The following KLHDC10 variants were observed in gnomAD, a reference collection of about 807,000 sequenced individuals.
KLHDC10 encodes the protein kelch domain containing 10.
Under a neutral mutation model 56.1 loss-of-function variants are expected in KLHDC10, and 24 were observed. The ratio of observed to expected loss-of-function variants is 0.43; its 90% CI spans 0.31 to 0.60. The LOEUF is 0.60. Ranked by LOEUF, KLHDC10 falls within the 20% of genes least tolerant of loss-of-function variation. KLHDC10 has a pLI of 0.11. For synonymous variants in KLHDC10, 188 were observed against 207.1 expected (o/e 0.91, Z 0.79); for missense variants, 349 against 567.0 (o/e 0.62, Z 3.91).
intron 2 of KLHDC10, among the ~76,000 whole-genome samples, chr7:130,103,092 C>T (rs1319170772): frequency 6.6e-6 from 1 of 152,050 alleles, no homozygotes; most frequent in Non-Finnish European, 1.5e-5. Context: ...ACAGGAGTTA[C>T]AGAAGGAAAG....
intron 1 of KLHDC10, among the ~76,000 whole-genome samples, chr7:130,078,439 G>A (rs1374832318): frequency 6.6e-6 from 1 of 152,132 alleles, no homozygotes; most frequent in Non-Finnish European, 1.5e-5. Context: ...TGCCCAGGCT[G>A]ATCTCAAACT....
intron 1 of KLHDC10, among the ~76,000 whole-genome samples, chr7:130,077,759 G>C (rs1056216407): frequency 1.3e-5 from 2 of 151,706 alleles, no homozygotes; most frequent in African/African-American, 4.8e-5. Context: ...GTTTCACCAT[G>C]TTAGCCAGGA....
chr7:130,083,379 C>T (rs879848440), intron 1 of KLHDC10, among the ~76,000 whole-genome samples: 3 of 152,154 alleles, frequency 2.0e-5, no homozygotes, highest in Non-Finnish European at 2.9e-5. Context: ...CCTCTTTACC[C>T]TCCGCATTTA....
At chr7:130,105,315 C>T (rs1319706079) in intron 2 of KLHDC10, among the ~76,000 whole-genome samples, 2 of 152,136 alleles carry the variant, frequency 1.3e-5, no homozygotes, top group African/African-American at 4.8e-5. Context: ...ATGTTTGTAG[C>T]AACATTAAGA....
chr7:130,118,059 G>T (rs543072495), intron 3 of KLHDC10, among the ~76,000 whole-genome samples: 1 of 152,056 alleles, frequency 6.6e-6, no homozygotes, highest in Non-Finnish European at 1.5e-5. Flanking sequence ...AGTAATCCCA[G>T]CTACTCAGGA....
intron 2 of KLHDC10, among the ~76,000 whole-genome samples, chr7:130,100,925 T>C (rs1795920362): frequency 6.6e-6 from 1 of 152,120 alleles, no homozygotes; most frequent in Admixed American, 6.5e-5. Context: ...CATACCCATT[T>C]ACTTTTCCCT....
At position 130,130,551 on chromosome 7, in the gene KLHDC10, C is replaced by T. The variant is rs1247107217; in HGVS notation, c.1134C>T (p.Tyr378=). The T allele has an allele frequency of 1.2e-6, 2 of 1,613,806 alleles. No individual in the cohort carries two copies. Among genetic ancestry groups the T allele is most frequent in the Non-Finnish European group, 1.7e-6 (2 of 1,179,866 alleles). The change falls in exon 10 of 10, where the codon TAC becomes TAT. Residue 378 remains tyrosine (Y), a synonymous_variant. Transcript: ENST00000335420. This position sits in a 1 kb window ranked among gnomAD's most constrained non-coding sequence, Gnocchi z 4.2. ...ACTACTCATAGGCTGGTTGCATGTA[C>T]ATTCATGGAGGAGTGGTGAACATCC... The part of the protein sequence containing the change: ...CAAVTPAGCM[Y]IHGGVVNIHE...
rs75076382 is a variant in KLHDC10, at chr7:130,108,844, C to A, written c.254-7601C>A. Among the ~76,000 whole-genome samples, 5 of 152,272 alleles carry A rather than the reference C, an allele frequency of 3.3e-5. No individual in the cohort carries two copies. In the East Asian group the frequency reaches 9.6e-4, roughly 29 times the overall value. On this transcript the variant is annotated intron_variant, in intron 2 of 9. Transcript: ENST00000335420. ...GCTCCCTCTCCTCTCTCCCTTCCCC[C>A]CTTTATACACAATACGCACATACAT...
rs1227167455 is a variant in KLHDC10 at position 130,133,196 on chromosome 7, G to A, written c.*2450G>A. On this transcript the variant is annotated 3_prime_UTR_variant, in exon 10 of 10. Transcript: ENST00000335420. ...TGTTCTGGATGCCAAATGAGACTGT[G>A]TGTAAATGACTAAGTGTAGATAACT... 1 of 152,248 alleles carries A rather than the reference G, an allele frequency of 6.6e-6. No homozygotes were observed. The highest frequency in any genetic ancestry group is 2.4e-5 in the African/African-American group (1 of 41,468). The allele number at this position is 152,248 out of a possible 1,614,324, so 9.4% of individuals were successfully genotyped here. A position where few individuals can be genotyped will look rare whatever the true frequency, so the allele number is the denominator to read the frequency against.
chr7:130,102,251 C>T (rs531749578), intron 2 of KLHDC10, among the ~76,000 whole-genome samples: 67 of 152,270 alleles, frequency 4.4e-4, no homozygotes, highest in Admixed American at 1.1e-3. Context: ...CTCAGACAGA[C>T]CTTCCATTTG....
Position 130,116,933 on chromosome 7 carries a change from T to C in KLHDC10, c.475+267T>C, listed in dbSNP as rs142973427. The stretch of plus-strand genomic sequence containing the variant: ...ATATCTTAGAGGGTTCAATATAAAG[T>C]ATCACGCAGTAGAAGGTCAACAAAT... On this transcript the variant is annotated intron_variant, in intron 3 of 9. Transcript: ENST00000335420. This position sits in a 1 kb window ranked among gnomAD's most constrained non-coding sequence, Gnocchi z 4.8. Among the ~76,000 whole-genome samples, 240 of 152,228 alleles carry C rather than the reference T, an allele frequency of 1.6e-3. No homozygotes were observed. Among genetic ancestry groups the C allele is most frequent in the East Asian group, 7.9e-3 (41 of 5,184 alleles).
chr7:130,134,614 T>C lies in KLHDC10; in HGVS notation c.*3868T>C, dbSNP rs1796443114. On this transcript the variant is annotated 3_prime_UTR_variant, in exon 10 of 10. Transcript: ENST00000335420. ...TGATCCTCTAAGACTGTGTTGGTCTTCGTATTCTGTAAAACCCATTTTTTT... is the reference window on the plus strand; with the variant it reads ...TGATCCTCTAAGACTGTGTTGGTCTCCGTATTCTGTAAAACCCATTTTTTT... 6.8e-6 allele frequency: 1 copy of C among 148,036 alleles called. No individual in the cohort carries two copies. The highest frequency in any genetic ancestry group is 2.4e-5 in the African/African-American group (1 of 41,060). 9.2% of individuals were successfully genotyped at this position (148,036 alleles called of 1,614,324 possible).
chr7:130,118,227 T>C (rs1796197792), intron 3 of KLHDC10, among the ~76,000 whole-genome samples: 1 of 152,206 alleles, frequency 6.6e-6, no homozygotes, highest in African/African-American at 2.4e-5. Flanking sequence ...TGTAGCCACT[T>C]AGCTAGATCT....
intron 2 of KLHDC10, among the ~76,000 whole-genome samples, chr7:130,104,265 A>C (rs1795978958): frequency 6.6e-6 from 1 of 152,194 alleles, no homozygotes; most frequent in South Asian, 2.1e-4. Flanking sequence ...TCTGCATATA[A>C]ATAGACTTGT....
chr7:130,119,298 C>T (rs534901053), intron 3 of KLHDC10, among the ~76,000 whole-genome samples: 4 of 151,374 alleles, frequency 2.6e-5, no homozygotes, highest in African/African-American at 7.3e-5. Flanking sequence ...ATTGCTTGAG[C>T]TCAGGAGTTC....
intron 2 of KLHDC10, among the ~76,000 whole-genome samples, chr7:130,098,693 A>G (rs1033240751): frequency 6.6e-6 from 1 of 152,016 alleles, no homozygotes; most frequent in Non-Finnish European, 1.5e-5. Flanking sequence ...AATATAATTA[A>G]TTATACATAC....
In KLHDC10 at chr7:130,130,200, T is replaced by G. The variant is rs181747977; in HGVS notation, c.1120-337T>G. Among the ~76,000 whole-genome samples the G allele has an allele frequency of 3.7e-4, 56 of 151,742 alleles. No individual in the cohort carries two copies. Among genetic ancestry groups the G allele is most frequent in the South Asian group, 1.5e-3 (7 of 4,798 alleles). On this transcript the variant is annotated intron_variant, in intron 9 of 9. Transcript: ENST00000335420. This position sits in a 1 kb window ranked among gnomAD's most constrained non-coding sequence, Gnocchi z 4.2. ...CCGGACGTGGTGGCGCGTGCCTGTA[T>G]TCCCAGCTACTCTGGAGGCTGAAGC...
At chr7:130,126,455 C>G (rs1032337004) in intron 7 of KLHDC10, among the ~76,000 whole-genome samples, 1 of 151,428 alleles carries the variant, frequency 6.6e-6, no homozygotes, top group African/African-American at 2.4e-5. Context: ...GTGGGTGGAT[C>G]CTTTGAGGTC....
intron 8 of KLHDC10, among the ~76,000 whole-genome samples, chr7:130,128,889 A>AATATATATATATAT (rs1554468213): frequency 7.5e-4 from 50 of 66,842 alleles, no homozygotes; most frequent in Non-Finnish European, 1.0e-3. Flanking sequence ...AAAAAAAAAA[A>AATATATATATATAT]ATATATATAT....
Sources: gnomAD v4.1 joint callset for allele counts (sites outside exome capture counted in the v4.1 genomes callset) on GRCh38, gnomAD v4.1.1 for gene constraint, Gnocchi (gnomAD v3.1) non-coding constraint, MANE v1.5 for transcripts, NCBI Gene and HGNC (gene_info 2026-07-23, HGNC 2026-07-21) for gene names.